The following SLC4A4 variants were observed in gnomAD, a reference collection of about 807,000 sequenced individuals.
SLC4A4 encodes solute carrier family 4 member 4.
SLC4A4 carries 27 observed loss-of-function variants against 111.5 expected under a neutral mutation model. The observed-to-expected ratio is 0.24, with a 90% CI of 0.18 to 0.33. The LOEUF is 0.33. Ranked by LOEUF, SLC4A4 falls within the 10% of genes least tolerant of loss-of-function variation. The pLI is 1.00. For missense variants in SLC4A4, 909 were observed against 1,315.5 expected (o/e 0.69, Z 4.78); for synonymous variants, 443 against 463.4 (o/e 0.96, Z 0.57).
In SLC4A4 at chr4:71,189,518, A is replaced by G. The variant is rs540788384; in HGVS notation, c.-2+2117A>G. ...ACAACTTCCAGTAGGCCCTGATGGT[A>G]ATCTCATTTTTCGCTGAGTGCTGGC... is the stretch of plus-strand genomic sequence containing the variant. On this transcript the variant is annotated intron_variant, in intron 1 of 25. Transcript: ENST00000264485. Among the ~76,000 whole-genome samples, 3 of 152,326 alleles carry G rather than the reference A, an allele frequency of 2.0e-5. No individual in the cohort carries two copies. In the East Asian group the frequency reaches 5.8e-4, roughly 29 times the overall value.
intron 8 of SLC4A4, among the ~76,000 whole-genome samples, chr4:71,441,530 G>A (rs1212985943): frequency 1.3e-5 from 2 of 151,936 alleles, no homozygotes; most frequent in Non-Finnish European, 2.9e-5. Context: ...GGGGGGTGGG[G>A]GAGTTGTTTT....
chr4:71,099,450 C>A (rs1245059410), intron 2 of SLC4A4, among the ~76,000 whole-genome samples: 1 of 151,968 alleles, frequency 6.6e-6, no homozygotes, highest in Admixed American at 6.6e-5. Context: ...CAGTGTTAAG[C>A]GGGAAATTCA....
chr4:71,546,200 A>C (rs936632392), intron 18 of SLC4A4, 150 bp from the exon 19 acceptor site: 43 of 690,082 alleles, frequency 6.2e-5, no homozygotes, highest in Admixed American at 4.4e-4. Context: ...GGAATAATAC[A>C]AAGAAGATAA....
At chr4:71,474,157 T>G (rs2149110472) in intron 14 of SLC4A4, among the ~76,000 whole-genome samples, 1 of 150,590 alleles carries the variant, frequency 6.6e-6, no homozygotes, top group African/African-American at 2.4e-5. Context: ...GGCATTTGTG[T>G]CAGACAATTA....
At chr4:71,141,130 T>C (rs1345661590) in intron 2 of SLC4A4, among the ~76,000 whole-genome samples, 1 of 152,226 alleles carries the variant, frequency 6.6e-6, no homozygotes, top group Admixed American at 6.5e-5. Flanking sequence ...TCTTTCTGTC[T>C]GAGATTTTGT....
intron 7 of SLC4A4, among the ~76,000 whole-genome samples, chr4:71,439,005 G>GA (rs57756598): frequency 0.012 from 1,621 of 138,928 alleles, 41 homozygotes; most frequent in African/African-American, 0.038. Flanking sequence ...TTCTATCTCA[G>GA]AAAAAAAAAA....
intron 6 of SLC4A4, among the ~76,000 whole-genome samples, chr4:71,377,685 AG>A (rs1295904498): frequency 2.6e-5 from 4 of 152,190 alleles, no homozygotes; most frequent in Non-Finnish European, 4.4e-5. Flanking sequence ...TCAGGCTAAT[AG>A]AAGCCTTCTC....
intron 1 of SLC4A4, among the ~76,000 whole-genome samples, chr4:71,205,414 C>T (rs1717691031): frequency 6.6e-6 from 1 of 152,052 alleles, no homozygotes; most frequent in Admixed American, 6.5e-5. Flanking sequence ...AGGTAAGGCC[C>T]CCCCATCCCC....
chr4:71,526,261 A>G (rs909528710), intron 16 of SLC4A4, among the ~76,000 whole-genome samples: 2 of 152,104 alleles, frequency 1.3e-5, no homozygotes, highest in African/African-American at 4.8e-5. Context: ...AGAAATGAAT[A>G]TCTTAATAAT....
At chr4:71,158,141 G>GTC (rs1272085164) in intron 2 of SLC4A4, among the ~76,000 whole-genome samples, 1,346 of 120,268 alleles carry the variant, frequency 0.011, 25 homozygotes, top group African/African-American at 0.037. Context: ...GTGTGTGTGT[G>GTC]TCTCTCTCTC....
chr4:71,424,318 A>G (rs1722874780), intron 7 of SLC4A4, among the ~76,000 whole-genome samples: 1 of 152,004 alleles, frequency 6.6e-6, no homozygotes, highest in Non-Finnish European at 1.5e-5. Context: ...TTTGAATGGC[A>G]ATCGTTAAAA....
intron 2 of SLC4A4, among the ~76,000 whole-genome samples, chr4:71,177,226 G>A (rs1309885395): frequency 6.6e-6 from 1 of 152,138 alleles, no homozygotes; most frequent in South Asian, 2.1e-4. Context: ...GCAAAAACAT[G>A]CCAAATTGTA....
At chr4:71,238,278 T>G (rs1250569945) in intron 2 of SLC4A4, among the ~76,000 whole-genome samples, 1 of 152,232 alleles carries the variant, frequency 6.6e-6, no homozygotes, top group Non-Finnish European at 1.5e-5. Flanking sequence ...TTGACAGTAC[T>G]CTACTGAAAT....
intron 3 of SLC4A4, among the ~76,000 whole-genome samples, chr4:71,265,593 A>AT (rs1722180770): frequency 3.3e-5 from 5 of 152,180 alleles, no homozygotes; most frequent in African/African-American, 1.2e-4. Context: ...TTACCTCCTC[A>AT]AAATAGAGCT....
At chr4:71,278,865 T>C (rs1038799660) in intron 3 of SLC4A4, among the ~76,000 whole-genome samples, 5 of 152,212 alleles carry the variant, frequency 3.3e-5, no homozygotes, top group African/African-American at 9.7e-5. Context: ...TGGACATTAA[T>C]CCCTTATCAG....
At chr4:71,451,131 A>C in intron 10 of SLC4A4, 57 bp from the exon 11 acceptor site, 1 of 1,125,888 alleles carries the variant, frequency 8.9e-7, no homozygotes, top group Non-Finnish European at 1.4e-6. Flanking sequence ...TGATACAGCT[A>C]AGAAGCGAAT....
At chr4:71,196,773 G>A (rs1232790069) in intron 1 of SLC4A4, among the ~76,000 whole-genome samples, 1 of 133,258 alleles carries the variant, frequency 7.5e-6, no homozygotes, top group Admixed American at 8.8e-5. Flanking sequence ...GGCAGAGGCT[G>A]CAGTGAGCCG....
intron 20 of SLC4A4, among the ~76,000 whole-genome samples, chr4:71,552,899 A>G (rs1736154814): frequency 6.6e-6 from 1 of 151,820 alleles, no homozygotes; most frequent in African/African-American, 2.4e-5. Flanking sequence ...CCATCTTCTT[A>G]AAATGCATCT....
chr4:71,225,646 G>A (rs1299651748), intron 1 of SLC4A4, among the ~76,000 whole-genome samples: 3 of 152,146 alleles, frequency 2.0e-5, no homozygotes, highest in Non-Finnish European at 4.4e-5. Context: ...GCCTAAACCC[G>A]TTTCAGAAGG....
Sources: allele counts gnomAD v4.1 joint callset (sites outside exome capture counted in the v4.1 genomes callset), GRCh38; gene constraint gnomAD v4.1.1; transcripts MANE v1.5; gene names NCBI Gene and HGNC (gene_info 2026-07-23, HGNC 2026-07-21).